EVC2: variants seen among roughly 807,000 people sequenced by gnomAD.
The protein encoded by EVC2 is limbin.
A neutral mutation model predicts 149.3 loss-of-function variants in EVC2; 148 were observed. The observed-to-expected ratio is 0.99, with a 90% CI of 0.87 to 1.14. EVC2 has a LOEUF of 1.14. EVC2 is among the 50% of genes most tolerant of loss of function. EVC2 has a pLI of 0.00. For missense variants in EVC2, 1,854 were observed against 1,627.3 expected, an observed-to-expected ratio of 1.14 and a Z score of -2.40; for synonymous variants, 776 against 649.9, an observed-to-expected ratio of 1.19 and a Z score of -2.95.
rs189711038 is a variant in EVC2 at position 5,591,847 on chromosome 4, T to A, written c.2830-6997A>T. Among the ~76,000 whole-genome samples, 6 of 152,330 alleles carry A rather than the reference T, an allele frequency of 3.9e-5. No homozygotes were observed. In the East Asian group the frequency reaches 7.7e-4, roughly 20 times the overall value. ...CATTAAATATTCAAGCCACTGAGAA[T>A]AATACAAATTCATTTGCAAAATGAT... On this transcript the variant is annotated intron_variant, in intron 16 of 21. Coordinates refer to ENST00000344408, the MANE Select transcript of EVC2 (RefSeq NM_147127.5).
At position 5,640,267 on chromosome 4, in the gene EVC2, TTGGATGAGTGGGTGGA is replaced by T. The variant is rs938241707; in HGVS notation, c.1470+231_1470+246del. On this transcript the variant is annotated intron_variant, in intron 10 of 21. Coordinates refer to ENST00000344408, the MANE Select transcript of EVC2 (RefSeq NM_147127.5). The surrounding 1 kb of genome is among the most constrained non-coding windows in gnomAD (Gnocchi z 4.6). ...GATGAATGGATAGGTGCACAGATGATTGGATGAGTGGGTGGATGGATGAGTGGGTGAATGGGTAGAT... is the reference window on the plus strand; with the variant it reads ...GATGAATGGATAGGTGCACAGATGATTGGATGAGTGGGTGAATGGGTAGAT... Among the ~76,000 whole-genome samples the T allele has an allele frequency of 6.6e-5, 10 of 151,100 alleles. No individual in the cohort carries two copies. Among genetic ancestry groups the T allele is most frequent in the African/African-American group, 2.4e-4 (10 of 41,082 alleles).
At chr4:5,535,078 C>T in the EVC2 span, among the ~76,000 whole-genome samples, 6 of 152,028 alleles carry the variant, frequency 3.9e-5, no homozygotes, top group Admixed American at 1.3e-4. The surrounding 1 kb of genome is among the most constrained non-coding windows in gnomAD (Gnocchi z 4.7). Flanking sequence ...ATTAAAGACC[C>T]GCCACCCCCA....
intron 7 of EVC2, among the ~76,000 whole-genome samples, chr4:5,672,744 T>C (rs1008338580): frequency 1.3e-5 from 2 of 152,220 alleles, no homozygotes; most frequent in African/African-American, 4.8e-5. Context: ...CAGCACTGTT[T>C]ACAATAAGCC....
In EVC2 at chr4:5,610,794, C is replaced by CTTTTTTT. The variant is rs10690279; in HGVS notation, c.2829+4621_2829+4627dup. Among the ~76,000 whole-genome samples, 23 of 126,460 alleles carry CTTTTTTT rather than the reference C, an allele frequency of 1.8e-4. 2 individuals are homozygous for CTTTTTTT. Among genetic ancestry groups the CTTTTTTT allele is most frequent in the East Asian group, 4.5e-4 (2 of 4,418 alleles). 83.0% of individuals were successfully genotyped at this position (126,460 alleles called of 152,430 possible). A position where few individuals can be genotyped will look rare whatever the true frequency, so the allele number is the denominator to read the frequency against. On this transcript the variant is annotated intron_variant, in intron 16 of 21. Transcript: ENST00000344408. ...TTATGTCTTGCTCCTTTTTCCTTTT[C>CTTTTTTT]TTTTTTTTTTTTTTTTTGCCAAATG...
At position 5,640,471 on chromosome 4, in the gene EVC2, G is replaced by A; in HGVS notation, c.1470+43C>T. 6.2e-7 allele frequency: 1 copy of A among 1,609,274 alleles called. No homozygotes were observed. The highest frequency in any genetic ancestry group is 8.5e-7 in the Non-Finnish European group (1 of 1,175,686). ...GTAGATGGATAAATGACAAATCCCT[G>A]AGAGAAAGGGAAGTGAACGCCTTCC... On this transcript the variant is annotated intron_variant, in intron 10 of 21. Transcript: ENST00000344408. The surrounding 1 kb of genome is among the most constrained non-coding windows in gnomAD (Gnocchi z 4.6).
rs747082570 is a variant in EVC2, at chr4:5,689,318, G to C, written c.545C>G (p.Thr182Arg). The C allele has an allele frequency of 7.4e-6, 12 of 1,614,192 alleles. 1 individual carries two copies. In the South Asian group the frequency reaches 1.3e-4, roughly 18 times the overall value. The stretch of plus-strand genomic sequence containing the variant: ...GTTAACAAGCAGCCATATGCGGGCT[G>C]TCTGTGCTTCACTCGACCCAGACAC... Reference protein sequence around the residue: ...ALVSGSSEAQTARIWLLVNNT... With the variant: ...ALVSGSSEAQRARIWLLVNNT... Residue 182 changes from threonine (T) to arginine (R), a missense_variant, in exon 5 of 22, where the codon ACA (threonine) becomes AGA (arginine). Physicochemically the swap from Thr to Arg is moderately conservative, Grantham distance 71. Coordinates refer to ENST00000344408, the MANE Select transcript of EVC2 (RefSeq NM_147127.5).
intron 6 of EVC2, 58 bp from the exon 7 acceptor site, chr4:5,681,371 T>C: frequency 1.3e-6 from 2 of 1,574,402 alleles, no homozygotes. Context: ...ACACGTGGGA[T>C]AACATTTGGT....
At chr4:5,585,982 C>G (rs868560987) in intron 16 of EVC2, among the ~76,000 whole-genome samples, 70 of 152,288 alleles carry the variant, frequency 4.6e-4, no homozygotes, top group African/African-American at 1.5e-3. Flanking sequence ...CTGCCTCAGC[C>G]TTCTGAGTAG....
chr4:5,534,364 T>C, the EVC2 span, among the ~76,000 whole-genome samples: 101 of 152,228 alleles, frequency 6.6e-4, 1 homozygote, highest in African/African-American at 2.2e-3. Context: ...AGTGAGTGGA[T>C]GGATGGGTGG....
chr4:5,704,552 C>T (rs1373986535), intron 1 of EVC2, among the ~76,000 whole-genome samples: 1 of 151,992 alleles, frequency 6.6e-6, no homozygotes, highest in African/African-American at 2.4e-5. Context: ...CGGGAGCTGC[C>T]AGGGGATAGA....
intron 16 of EVC2, among the ~76,000 whole-genome samples, chr4:5,612,875 T>C (rs1201955843): frequency 4.3e-5 from 6 of 140,628 alleles, no homozygotes; most frequent in South Asian, 2.2e-4. Context: ...TGAGCCAGGA[T>C]TGTGCCACTG....
chr4:5,663,125 A>T lies in EVC2; in HGVS notation c.1127T>A (p.Met376Lys). The T allele has an allele frequency of 1.7e-5, 27 of 1,614,152 alleles. No individual in the cohort carries two copies. The highest frequency in any genetic ancestry group is 2.3e-5 in the Non-Finnish European group (27 of 1,180,004). ...TTCTTACTCTTCTAAGGCTTGAAGC[A>T]TGCTCCCAGGGTCCTCGGAAGACAG... ...DILSSEDPGS[M>K]LQALEELEIA... Residue 376 changes from methionine (M) to lysine (K), a missense_variant, in exon 9 of 22, where the codon ATG becomes AAG. Transcript: ENST00000344408.
At chr4:5,594,913 A>T (rs1028042010) in intron 16 of EVC2, among the ~76,000 whole-genome samples, 7 of 152,216 alleles carry the variant, frequency 4.6e-5, no homozygotes, top group Non-Finnish European at 7.3e-5. Flanking sequence ...GAGAACTACG[A>T]GAAGAATGCA....
At chr4:5,587,116 A>G (rs1342279232) in intron 16 of EVC2, among the ~76,000 whole-genome samples, 1 of 152,230 alleles carries the variant, frequency 6.6e-6, no homozygotes, top group Non-Finnish European at 1.5e-5. Flanking sequence ...AAAATTTTCT[A>G]TTGAAGTGAA....
chr4:5,704,851 A>G (rs909428586), intron 1 of EVC2, among the ~76,000 whole-genome samples: 1 of 150,390 alleles, frequency 6.6e-6, no homozygotes, highest in Non-Finnish European at 1.5e-5. Context: ...GAATACAGGC[A>G]TGTGCTATCA....
At chr4:5,607,232 T>C (rs1013628570) in intron 16 of EVC2, among the ~76,000 whole-genome samples, 1 of 152,094 alleles carries the variant, frequency 6.6e-6, no homozygotes, top group African/African-American at 2.4e-5. Flanking sequence ...CTCAAGCAAA[T>C]TGAGATGTAC....
chr4:5,542,788 T>G (rs184395850), exon 23 of EVC2: 1 of 207,888 alleles, frequency 4.8e-6, no homozygotes. Context: ...TTGTCAGGAT[T>G]GGCTCCTCCA....
chr4:5,650,802 G>C (rs983901934), intron 9 of EVC2, among the ~76,000 whole-genome samples: 3 of 151,866 alleles, frequency 2.0e-5, no homozygotes, highest in African/African-American at 7.3e-5. Context: ...GACAGAACTG[G>C]GATTTGAACT....
chr4:5,564,871 C>G (rs1177251323), intron 21 of EVC2, among the ~76,000 whole-genome samples: 4 of 152,200 alleles, frequency 2.6e-5, no homozygotes, highest in African/African-American at 9.6e-5. Context: ...AGCTGTTGGC[C>G]TGGGGCCTCT....
Sources: gnomAD v4.1 joint callset for allele counts (sites outside exome capture counted in the v4.1 genomes callset) on GRCh38, gnomAD v4.1.1 for gene constraint, Gnocchi (gnomAD v3.1) non-coding constraint, MANE v1.5 for transcripts, NCBI Gene and HGNC (gene_info 2026-07-23, HGNC 2026-07-21) for gene names.